Variants in FGF10 observed in about 807,000 individuals in gnomAD.
The protein encoded by FGF10 is fibroblast growth factor 10.
FGF10 carries 2 observed loss-of-function variants against 19.8 expected under a neutral mutation model. That is an observed-to-expected ratio of 0.10 (90% CI 0.04 to 0.32). The LOEUF (loss-of-function observed/expected upper bound fraction) is 0.32. Among genes scored for constraint, FGF10 ranks in the 10% least tolerant of loss-of-function variants. The probability of loss-of-function intolerance (pLI) is 1.00; values close to 1 mark genes in which losing one functional copy is unlikely to be tolerated. For synonymous variants in FGF10, 112 were observed against 94.0 expected (o/e 1.19, Z -1.10); for missense variants, 191 against 246.3 (o/e 0.78, Z 1.50).
At chr5:44,387,661 C>T (rs1041407399) in intron 1 of FGF10, among the ~76,000 whole-genome samples, 1 of 152,122 alleles carries the variant, frequency 6.6e-6, no homozygotes, top group African/African-American at 2.4e-5. Context: ...AGAGGGAAGG[C>T]AGGCAGAAGA....
rs1390527748 is a variant in FGF10, at chr5:44,302,078, T to C, written c.*2917A>G. On this transcript the variant is annotated 3_prime_UTR_variant, in exon 3 of 3. Transcript: ENST00000264664. The stretch of plus-strand genomic sequence containing the variant: ...GGCAGATCTCTCAATAGCTCCAATT[T>C]TTTTTTTTTTCAAATCTACAACATT... 2.0e-5 allele frequency among the ~76,000 whole-genome samples: 3 copies of C among 151,964 alleles called. No homozygotes were observed. The highest frequency in any genetic ancestry group is 4.4e-5 in the Non-Finnish European group (3 of 67,992).
chr5:44,343,471 T>C (rs1239314791), intron 1 of FGF10, among the ~76,000 whole-genome samples: 1 of 152,046 alleles, frequency 6.6e-6, no homozygotes. Flanking sequence ...GTGGGACACA[T>C]AACATTCTAG....
intron 1 of FGF10, 97 bp from the exon 2 acceptor site, chr5:44,310,627 G>A (rs758911531): frequency 6.6e-6 from 6 of 905,742 alleles, no homozygotes; most frequent in Non-Finnish European, 8.7e-6. Flanking sequence ...TTTTTGTGTG[G>A]TTCTAAAAAC....
chr5:44,367,712 T>C (rs1741651384), intron 1 of FGF10, among the ~76,000 whole-genome samples: 10 of 152,146 alleles, frequency 6.6e-5, no homozygotes, highest in Middle Eastern at 3.4e-3. Flanking sequence ...TCATTAGTTA[T>C]TATTATTTTC....
intron 1 of FGF10, among the ~76,000 whole-genome samples, chr5:44,347,138 A>T (rs1291678474): frequency 2.6e-5 from 4 of 151,766 alleles, no homozygotes. Flanking sequence ...AAAAAAATAG[A>T]TAATTGAATG....
intron 1 of FGF10, among the ~76,000 whole-genome samples, chr5:44,315,218 G>T (rs1740309983): frequency 6.6e-6 from 1 of 151,230 alleles, no homozygotes; most frequent in Non-Finnish European, 1.5e-5. Flanking sequence ...AATATATTAA[G>T]TGTGGTATGA....
At chr5:44,345,595 T>C (rs776040172) in intron 1 of FGF10, among the ~76,000 whole-genome samples, 1 of 150,522 alleles carries the variant, frequency 6.6e-6, no homozygotes, top group Non-Finnish European at 1.5e-5. Context: ...ATAGAAAGTT[T>C]TTCCCCATTG....
intron 1 of FGF10, among the ~76,000 whole-genome samples, chr5:44,386,404 G>A (rs1275290305): frequency 6.6e-6 from 1 of 152,086 alleles, no homozygotes; most frequent in African/African-American, 2.4e-5. Flanking sequence ...TTTTCTCCAT[G>A]AAAAATAAGA....
intron 1 of FGF10, among the ~76,000 whole-genome samples, chr5:44,346,525 T>G (rs1741094050): frequency 6.6e-6 from 1 of 151,828 alleles, no homozygotes; most frequent in Non-Finnish European, 1.5e-5. Context: ...CACTACTCTC[T>G]ACTTCACACA....
chr5:44,340,958 T>C (rs761154093), intron 1 of FGF10, among the ~76,000 whole-genome samples: 1 of 151,900 alleles, frequency 6.6e-6, no homozygotes, highest in Non-Finnish European at 1.5e-5. Context: ...GAAATTAACA[T>C]GAGAACCACC....
rs142574898 is a variant in FGF10, at chr5:44,344,953, A to C, written c.326-34423T>G. On this transcript the variant is annotated intron_variant, in intron 1 of 2. Transcript: ENST00000264664. The stretch of plus-strand genomic sequence containing the variant: ...CTCCCTTCTTTTCATGTTGATAGGG[A>C]CCACCCATCTGTGGCCTTGGGTGCC... 4.3e-3 allele frequency among the ~76,000 whole-genome samples: 653 copies of C among 151,948 alleles called. 2 individuals carry two copies. The highest frequency in any genetic ancestry group is 5.8e-3 in the Non-Finnish European group (393 of 67,902).
chr5:44,325,651 T>C (rs898428608), intron 1 of FGF10, among the ~76,000 whole-genome samples: 7 of 148,772 alleles, frequency 4.7e-5, no homozygotes, highest in African/African-American at 1.7e-4. Context: ...AACCAAACAC[T>C]GCATGTTCTC....
intron 1 of FGF10, among the ~76,000 whole-genome samples, chr5:44,376,775 C>T (rs902736766): frequency 4.0e-5 from 6 of 151,614 alleles, no homozygotes; most frequent in Admixed American, 3.9e-4. Context: ...TTTGATTAAG[C>T]TACAATTTCT....
intron 1 of FGF10, among the ~76,000 whole-genome samples, chr5:44,337,941 GA>G (rs1001521471): frequency 4.0e-5 from 6 of 149,880 alleles, no homozygotes; most frequent in African/African-American, 7.4e-5. Flanking sequence ...CTCTGTCTCA[GA>G]AAAAAAAATG....
At chr5:44,309,118 C>T (rs17234520) in intron 2 of FGF10, among the ~76,000 whole-genome samples, 3 of 152,142 alleles carry the variant, frequency 2.0e-5, no homozygotes, top group Non-Finnish European at 4.4e-5. Context: ...GACACAGGAT[C>T]TGTTTACAAA....
At chr5:44,387,817 A>C (rs1742137468) in intron 1 of FGF10, among the ~76,000 whole-genome samples, 1 of 152,146 alleles carries the variant, frequency 6.6e-6, no homozygotes, top group Non-Finnish European at 1.5e-5. Flanking sequence ...AGTGGGGTAA[A>C]GGGATGGGGG....
intron 1 of FGF10, among the ~76,000 whole-genome samples, chr5:44,371,034 T>C (rs976243953): frequency 1.3e-5 from 2 of 152,118 alleles, no homozygotes; most frequent in Non-Finnish European, 2.9e-5. Flanking sequence ...ACATTTGCTA[T>C]GGTTTGAATA....
intron 1 of FGF10, among the ~76,000 whole-genome samples, chr5:44,337,724 G>A (rs111758597): frequency 0.017 from 2,626 of 152,134 alleles, 79 homozygotes; most frequent in African/African-American, 0.059. Flanking sequence ...GGTGGATCAC[G>A]AGGTCAGGAG....
At position 44,347,648 on chromosome 5, in the gene FGF10, A is replaced by G. The variant is rs1741117817; in HGVS notation, c.326-37118T>C. ...ACTTTGCCCAAATATTGATTGCCACATGAATAAATCATACAGGACAGCATG... is the reference window on the plus strand; with the variant it reads ...ACTTTGCCCAAATATTGATTGCCACGTGAATAAATCATACAGGACAGCATG... On this transcript the variant is annotated intron_variant, in intron 1 of 2. Coordinates refer to ENST00000264664, the MANE Select transcript of FGF10 (RefSeq NM_004465.2). Among the ~76,000 whole-genome samples, 5 of 151,680 alleles carry G rather than the reference A, an allele frequency of 3.3e-5. No individual in the cohort carries two copies. The South Asian group carries it at 1.0e-3, about 31-fold the overall frequency.
Sources: gnomAD v4.1 joint callset for allele counts (sites outside exome capture counted in the v4.1 genomes callset) on GRCh38, gnomAD v4.1.1 for gene constraint, MANE v1.5 for transcripts, NCBI Gene and HGNC (gene_info 2026-07-23, HGNC 2026-07-21) for gene names.